ACTN4: variants seen among roughly 807,000 people sequenced by gnomAD.
ACTN4 encodes alpha-actinin-4.
In ACTN4, 18 loss-of-function variants were observed where a neutral mutation model predicts 114.2. That is an observed-to-expected ratio of 0.16 (90% CI 0.11 to 0.23). The LOEUF is 0.23. Ranked by LOEUF, ACTN4 falls within the 10% of genes least tolerant of loss-of-function variation. ACTN4 has a pLI of 1.00. For synonymous variants in ACTN4, 515 were observed against 506.3 expected, an observed-to-expected ratio of 1.02 and a Z score of -0.23; for missense variants, 722 against 1,262.9, an observed-to-expected ratio of 0.57 and a Z score of 6.49.
chr19:38,698,385 G>C (rs561860975), intron 1 of ACTN4, among the ~76,000 whole-genome samples: 1 of 152,190 alleles, frequency 6.6e-6, no homozygotes, highest in Admixed American at 6.5e-5. Flanking sequence ...AGTATTGTAT[G>C]GGGGAGGCTG....
chr19:38,699,601 A>G (rs1968200747), intron 1 of ACTN4, among the ~76,000 whole-genome samples: 1 of 152,104 alleles, frequency 6.6e-6, no homozygotes, highest in Admixed American at 6.5e-5. Flanking sequence ...CTAAAAAGAC[A>G]AAAATTAGAT....
At chr19:38,648,218 G>A (rs994174412) in intron 1 of ACTN4, 20 of 264,358 alleles carry the variant, frequency 7.6e-5, no homozygotes, top group Non-Finnish European at 1.3e-4. Context: ...GGAGATGACT[G>A]GGCAGGCTGA....
chr19:38,672,723 G>C (rs1024644146), intron 1 of ACTN4, among the ~76,000 whole-genome samples: 7 of 151,392 alleles, frequency 4.6e-5, no homozygotes, highest in African/African-American at 1.2e-4. Flanking sequence ...ACAGGCATGT[G>C]CCACCACACC....
Position 38,647,818 on chromosome 19 carries a change from G to A in ACTN4, c.73G>A (p.Gly25Arg). ...CAGCGCGGGCAATGGCGCTGGCGGC[G>A]GGGGCAGCATGGGCGACTACATGGC... ...PSSAGNGAGG[G>R]GSMGDYMAQE... The change falls in exon 1 of 21, where the codon GGG (glycine) becomes AGG (arginine). Residue 25 changes from glycine to arginine, a missense_variant. Gly to Arg is a moderately radical substitution (Grantham distance 125). Transcript: ENST00000252699. The A allele has an allele frequency of 6.4e-7, 1 of 1,552,234 alleles. No individual in the cohort carries two copies. The highest frequency in any genetic ancestry group is 1.2e-5 in the South Asian group (1 of 84,302).
chr19:38,730,068 G>GTGTC lies in ACTN4; in HGVS notation c.*638_*641dup, dbSNP rs1568756487. On this transcript the variant is annotated 3_prime_UTR_variant, in exon 21 of 21. Transcript: ENST00000252699. ...CCGGCCTTGCTTTGTCTGGCCTCAC[G>GTGTC]TGTCTCAGATTTTCTAAGAACCAAA... The GTGTC allele has an allele frequency of 1.4e-5, 2 of 140,158 alleles. No individual in the cohort carries two copies. Among genetic ancestry groups the GTGTC allele is most frequent in the Admixed American group, 7.5e-5 (1 of 13,294 alleles). The allele number at this position is 140,158 out of a possible 1,614,324, so 8.7% of individuals were successfully genotyped here.
chr19:38,708,201 T>C lies in ACTN4; in HGVS notation c.651+6T>C, dbSNP rs111953745. ...AGTATGACAAGCTGAGGAAGGTGAG[T>C]GTCTCCAGCTCCCCTTGATGGCCCA... is the stretch of plus-strand genomic sequence containing the variant. On this transcript the variant is annotated splice_donor_region_variant and intron_variant, in intron 6 of 20. Coordinates refer to ENST00000252699, the MANE Select transcript of ACTN4 (RefSeq NM_004924.6). 19 of 1,613,704 alleles carry C rather than the reference T, an allele frequency of 1.2e-5. No homozygotes were observed. The highest frequency in any genetic ancestry group is 8.0e-5 in the African/African-American group (6 of 74,896).
Position 38,727,937 on chromosome 19 carries a change from C to A in ACTN4, c.2338-9C>A, listed in dbSNP as rs1397095234. 1 of 1,611,928 alleles carries A rather than the reference C, an allele frequency of 6.2e-7. No homozygotes were observed. Among genetic ancestry groups the A allele is most frequent in the East Asian group, 2.2e-5 (1 of 44,804 alleles). On this transcript the variant is annotated splice_polypyrimidine_tract_variant and intron_variant, in intron 18 of 20. Transcript: ENST00000252699. This position sits in a 1 kb window ranked among gnomAD's most constrained non-coding sequence, Gnocchi z 5.4. ...CTCCCGCACACCTGCCTTCGGATGG[C>A]CCCGGCAGGATCATGGCGGGGCGCT...
chr19:38,651,303 G>A (rs1333573620), intron 1 of ACTN4, among the ~76,000 whole-genome samples: 1 of 152,128 alleles, frequency 6.6e-6, no homozygotes, highest in African/African-American at 2.4e-5. Context: ...GACTTCTAGG[G>A]ACCCCTGTAA....
intron 2 of ACTN4, 103 bp downstream of exon 2, chr19:38,700,817 G>A (rs1309582466): frequency 7.2e-7 from 1 of 1,383,584 alleles, no homozygotes; most frequent in Non-Finnish European, 1.0e-6. Flanking sequence ...TGCTCCTGGG[G>A]AGGAGAGGGC....
intron 1 of ACTN4, among the ~76,000 whole-genome samples, chr19:38,660,457 G>T (rs1007334596): frequency 6.6e-6 from 1 of 151,578 alleles, no homozygotes; most frequent in Non-Finnish European, 1.5e-5. Context: ...GTGCAATGGC[G>T]TGTTCTTGGC....
chr19:38,727,746 G>A lies in ACTN4; in HGVS notation c.2338-200G>A. On this transcript the variant is annotated intron_variant, in intron 18 of 20. Transcript: ENST00000252699. This position sits in a 1 kb window ranked among gnomAD's most constrained non-coding sequence, Gnocchi z 5.4. ...CCTCTGCCTTCCTTTGAGCTTCCGA[G>A]GTTGGGGAAAGGATGAAAGGGGCCC... 2 of 605,700 alleles carry A rather than the reference G, an allele frequency of 3.3e-6. No homozygotes were observed. The highest frequency in any genetic ancestry group is 2.0e-5 in the South Asian group (1 of 51,216). 37.5% of individuals were successfully genotyped at this position (605,700 alleles called of 1,614,324 possible).
chr19:38,709,445 C>T lies in ACTN4; in HGVS notation c.702C>T (p.Tyr234=). The T allele has an allele frequency of 6.2e-7, 1 of 1,614,210 alleles. No individual in the cohort carries two copies. The highest frequency in any genetic ancestry group is 1.1e-5 in the South Asian group (1 of 91,082). Residue 234 remains tyrosine (Y), a synonymous_variant, in exon 7 of 21, where the codon TAC becomes TAT. Transcript: ENST00000252699. ...LNNAFEVAEK[Y]LDIPKMLDAE... is the part of the protein sequence containing the mutation. ...ATGCCTTCGAAGTGGCTGAGAAATA[C>T]CTCGACATCCCCAAGATGCTGGATG...
At chr19:38,666,366 G>A (rs1966960702) in intron 1 of ACTN4, among the ~76,000 whole-genome samples, 1 of 152,256 alleles carries the variant, frequency 6.6e-6, no homozygotes, top group African/African-American at 2.4e-5. Flanking sequence ...GATGGGGGCT[G>A]GGGGTGGGGC....
intron 1 of ACTN4, among the ~76,000 whole-genome samples, chr19:38,682,890 G>C (rs992556820): frequency 4.6e-5 from 7 of 152,062 alleles, no homozygotes; most frequent in Middle Eastern, 3.2e-3. Context: ...GGCCTTTCCT[G>C]ACCTGCTGAG....
chr19:38,678,019 G>T (rs1967433756), intron 1 of ACTN4, among the ~76,000 whole-genome samples: 1 of 152,060 alleles, frequency 6.6e-6, no homozygotes. Context: ...GAGCCACCGC[G>T]CCTGGCCAAA....
intron 1 of ACTN4, among the ~76,000 whole-genome samples, chr19:38,653,900 T>C (rs762782805): frequency 1.3e-5 from 2 of 152,214 alleles, no homozygotes; most frequent in South Asian, 2.1e-4. Flanking sequence ...ACAAATACTG[T>C]CATCCGTGGA....
At chr19:38,648,049 A>C (rs1222125068) in intron 1 of ACTN4, 142 bp downstream of exon 1, 1 of 1,036,968 alleles carries the variant, frequency 9.6e-7, no homozygotes, top group African/African-American at 1.7e-5. Flanking sequence ...CCGGGAAGGG[A>C]ATTGGAGTCC....
At chr19:38,660,394 G>T (rs1808382) in intron 1 of ACTN4, among the ~76,000 whole-genome samples, 56,783 of 149,276 alleles carry the variant, frequency 0.38, 11,687 homozygotes, top group Non-Finnish European at 0.46. Context: ...ACTGGTTTTT[G>T]TTTTTTTTTC....
chr19:38,658,164 C>T (rs931952971), intron 1 of ACTN4, among the ~76,000 whole-genome samples: 1 of 152,080 alleles, frequency 6.6e-6, no homozygotes, highest in Admixed American at 6.5e-5. Context: ...GGAGTTGGGC[C>T]AGTTGATTGT....
Sources: gnomAD v4.1 joint callset for allele counts (sites outside exome capture counted in the v4.1 genomes callset) on GRCh38, gnomAD v4.1.1 for gene constraint, Gnocchi (gnomAD v3.1) non-coding constraint, MANE v1.5 for transcripts, NCBI Gene and HGNC (gene_info 2026-07-23, HGNC 2026-07-21) for gene names.